The following NBAS variants were observed in gnomAD, a reference collection of about 807,000 sequenced individuals.
The protein encoded by NBAS is NAG/BC035112 fusion.
A neutral mutation model predicts 302.5 loss-of-function variants in NBAS; 219 were observed. The observed-to-expected ratio is 0.72, with a 90% CI of 0.65 to 0.81. The LOEUF (loss-of-function observed/expected upper bound fraction) is 0.81, where lower values mean the gene tolerates loss of function less well. Among genes scored for constraint, NBAS ranks in the 30% least tolerant of loss-of-function variants. The pLI is 0.00. For missense variants in NBAS, 2,932 were observed against 2,841.6 expected (o/e 1.03, Z -0.72); for synonymous variants, 1,118 against 1,021.6 (o/e 1.09, Z -1.80).
At chr2:15,046,768 G>C in the NBAS span, among the ~76,000 whole-genome samples, 1 of 152,264 alleles carries the variant, frequency 6.6e-6, no homozygotes, top group African/African-American at 2.4e-5. Context: ...CTGGTGAATG[G>C]GCATGAATTT....
intron 6 of NBAS, among the ~76,000 whole-genome samples, chr2:15,551,107 G>A (rs573743974): frequency 2.0e-5 from 3 of 152,166 alleles, no homozygotes; most frequent in East Asian, 3.9e-4. Context: ...GCACATACAC[G>A]TAAATTACAG....
At chr2:14,834,712 C>A in the NBAS span, among the ~76,000 whole-genome samples, 1 of 152,020 alleles carries the variant, frequency 6.6e-6, no homozygotes, top group Non-Finnish European at 1.5e-5. Context: ...TTCATCCCTG[C>A]ATCTTTAATA....
intron 41 of NBAS, among the ~76,000 whole-genome samples, chr2:15,291,632 T>C (rs572580072): frequency 2.0e-5 from 3 of 152,182 alleles, no homozygotes; most frequent in Non-Finnish European, 4.4e-5. Flanking sequence ...ACAACAGGCC[T>C]GCTCTTCCCT....
At chr2:15,178,093 C>A (rs1033990412) in intron 51 of NBAS, 9 of 468,382 alleles carry the variant, frequency 1.9e-5, no homozygotes, top group Admixed American at 1.9e-4. Context: ...TCTTCACTGT[C>A]TTGAGTAGCA....
chr2:15,215,756 C>G (rs1666622673), intron 48 of NBAS, among the ~76,000 whole-genome samples: 1 of 152,064 alleles, frequency 6.6e-6, no homozygotes, highest in South Asian at 2.1e-4. Flanking sequence ...CTAGTTGAAG[C>G]TTCCATTTTA....
At chr2:14,877,424 A>T in the NBAS span, among the ~76,000 whole-genome samples, 1 of 152,072 alleles carries the variant, frequency 6.6e-6, no homozygotes, top group Admixed American at 6.6e-5. Flanking sequence ...TTGTTCCCTT[A>T]TCAGACCTAG....
chr2:14,967,709 T>C, the NBAS span, among the ~76,000 whole-genome samples: 1 of 152,136 alleles, frequency 6.6e-6, no homozygotes, highest in Non-Finnish European at 1.5e-5. Context: ...AAAAGATAAA[T>C]TGGACTTAAT....
At chr2:15,049,136 A>T in the NBAS span, among the ~76,000 whole-genome samples, 1 of 152,164 alleles carries the variant, frequency 6.6e-6, no homozygotes, top group African/African-American at 2.4e-5. Flanking sequence ...ACCTGGGGTG[A>T]TGCCTCATAC....
chr2:14,945,694 A>G, the NBAS span, among the ~76,000 whole-genome samples: 9 of 152,238 alleles, frequency 5.9e-5, no homozygotes, highest in African/African-American at 2.2e-4. Flanking sequence ...GCAAAAAAAA[A>G]GAATCAGTTA....
chr2:15,258,094 G>A (rs1668685248), intron 44 of NBAS, among the ~76,000 whole-genome samples: 1 of 152,162 alleles, frequency 6.6e-6, no homozygotes, highest in South Asian at 2.1e-4. Flanking sequence ...GGGACTGGCT[G>A]GAGCCGTGGC....
the NBAS span, among the ~76,000 whole-genome samples, chr2:14,918,622 C>T: frequency 6.6e-6 from 1 of 152,210 alleles, no homozygotes; most frequent in African/African-American, 2.4e-5. Context: ...TTAGTCTTGT[C>T]CCTGAGGGCC....
At chr2:15,162,398 T>G (rs1383622602), downstream of NBAS, among the ~76,000 whole-genome samples, 1 of 152,186 alleles carries the variant, frequency 6.6e-6, no homozygotes, top group Admixed American at 6.5e-5. Flanking sequence ...TGAAGGCTGG[T>G]TTTGGAAATC....
the NBAS span, among the ~76,000 whole-genome samples, chr2:14,901,577 C>T: frequency 1.3e-5 from 2 of 151,706 alleles, no homozygotes; most frequent in Non-Finnish European, 2.9e-5. Flanking sequence ...AGAGAATTAA[C>T]AATAAATGAG....
chr2:15,211,568 G>A (rs943148215), intron 48 of NBAS, among the ~76,000 whole-genome samples: 6 of 151,996 alleles, frequency 3.9e-5, no homozygotes, highest in South Asian at 2.1e-4. Context: ...TTTATTTTTC[G>A]TGACAATTTT....
At chr2:15,275,397 G>A (rs1236007367) in intron 44 of NBAS, 87 bp downstream of exon 44, 3 of 1,372,280 alleles carry the variant, frequency 2.2e-6, no homozygotes, top group African/African-American at 1.5e-5. Context: ...TTCAAGAAAG[G>A]AAACAAAAAT....
chr2:15,361,076 C>T (rs1673896861), intron 32 of NBAS, among the ~76,000 whole-genome samples: 1 of 152,126 alleles, frequency 6.6e-6, no homozygotes, highest in South Asian at 2.1e-4. Context: ...AAGTGAATAA[C>T]GTGTTATAAC....
chr2:14,949,940 C>A, the NBAS span, among the ~76,000 whole-genome samples: 1 of 152,126 alleles, frequency 6.6e-6, no homozygotes, highest in Non-Finnish European at 1.5e-5. Context: ...TTGGTAAGAA[C>A]ATATGGTTTG....
At chr2:15,324,532 C>T (rs1671973999) in intron 38 of NBAS, among the ~76,000 whole-genome samples, 2 of 152,184 alleles carry the variant, frequency 1.3e-5, no homozygotes, top group Non-Finnish European at 2.9e-5. Flanking sequence ...TCGGCTGCTT[C>T]AGAAGGCCTC....
At chr2:15,484,090 T>C (rs186512525) in intron 12 of NBAS, among the ~76,000 whole-genome samples, 36 of 152,302 alleles carry the variant, frequency 2.4e-4, no homozygotes, top group African/African-American at 7.9e-4. Context: ...ATTCCAGTGA[T>C]GAGTACACAC....
Sources: allele counts gnomAD v4.1 joint callset (sites outside exome capture counted in the v4.1 genomes callset), GRCh38; gene constraint gnomAD v4.1.1; transcripts MANE v1.5; gene names NCBI Gene and HGNC (gene_info 2026-07-23, HGNC 2026-07-21).